Variants in HELLS observed in about 807,000 individuals in gnomAD.
HELLS encodes the protein helicase, lymphoid specific, also known as lymphoid-specific helicase.
Under a neutral mutation model 120.0 loss-of-function variants are expected in HELLS, and 32 were observed. That is an observed-to-expected ratio of 0.27 (90% CI 0.20 to 0.36). The LOEUF (loss-of-function observed/expected upper bound fraction) is 0.36. Ranked by LOEUF, HELLS falls within the 10% of genes least tolerant of loss-of-function variation. The probability of loss-of-function intolerance (pLI) is 1.00; values close to 1 mark genes in which losing one functional copy is unlikely to be tolerated. For synonymous variants in HELLS, 341 were observed against 323.4 expected, an observed-to-expected ratio of 1.05 and a Z score of -0.58; for missense variants, 650 against 993.4, an observed-to-expected ratio of 0.65 and a Z score of 4.65.
chr10:94,581,255 T>C, intron 10 of HELLS, 71 bp from the exon 11 acceptor site: 1 of 927,950 alleles, frequency 1.1e-6, no homozygotes, highest in South Asian at 1.9e-5. Context: ...AGAGGTTTTA[T>C]TTTTAGAATT....
At chr10:94,568,083 T>G (rs993911737) in intron 6 of HELLS, among the ~76,000 whole-genome samples, 9 of 151,948 alleles carry the variant, frequency 5.9e-5, no homozygotes, top group African/African-American at 1.9e-4. Flanking sequence ...CTAATTTTTG[T>G]ATTTTTAGTA....
chr10:94,572,222 G>A (rs540315417), intron 7 of HELLS, among the ~76,000 whole-genome samples: 1 of 152,268 alleles, frequency 6.6e-6, no homozygotes, highest in East Asian at 1.9e-4. Flanking sequence ...AAGTCTAGAT[G>A]TAATCTTCTG....
intron 21 of HELLS, among the ~76,000 whole-genome samples, chr10:94,600,965 A>G (rs1238874627): frequency 1.3e-5 from 2 of 152,198 alleles, no homozygotes; most frequent in Non-Finnish European, 2.9e-5. Context: ...AACGGATAAT[A>G]TAAGAGCAGG....
chr10:94,595,183 G>A (rs923650979), intron 19 of HELLS, among the ~76,000 whole-genome samples: 2 of 151,966 alleles, frequency 1.3e-5, no homozygotes, highest in East Asian at 1.9e-4. Flanking sequence ...AGCCGAGATC[G>A]TGCCACTGCA....
In HELLS at chr10:94,576,651, A is replaced by C. The variant is rs2134062029; in HGVS notation, c.889-11A>C. ...CTTAAGTCTGATAAAAATCAATATAAAATTTTTCAGATCCCTACAATGTTA... is the reference window on the plus strand; with the variant it reads ...CTTAAGTCTGATAAAAATCAATATACAATTTTTCAGATCCCTACAATGTTA... On this transcript the variant is annotated splice_polypyrimidine_tract_variant and intron_variant, in intron 9 of 21. Coordinates refer to ENST00000348459, the MANE Select transcript of HELLS (RefSeq NM_018063.5). 5 of 1,494,916 alleles carry C rather than the reference A, an allele frequency of 3.3e-6. No individual in the cohort carries two copies. The highest frequency in any genetic ancestry group is 4.5e-6 in the Non-Finnish European group (5 of 1,100,378). 92.6% of individuals were successfully genotyped at this position (1,494,916 alleles called of 1,614,324 possible). A position where few individuals can be genotyped will look rare whatever the true frequency, so the allele number is the denominator to read the frequency against.
chr10:94,589,299 T>C (rs747061024), intron 13 of HELLS, among the ~76,000 whole-genome samples: 5 of 152,222 alleles, frequency 3.3e-5, no homozygotes, highest in Non-Finnish European at 7.3e-5. Flanking sequence ...TAGACTAATC[T>C]CCAGATATAC....
chr10:94,553,030 G>A (rs927875130), intron 2 of HELLS, among the ~76,000 whole-genome samples: 1 of 152,076 alleles, frequency 6.6e-6, no homozygotes, highest in Non-Finnish European at 1.5e-5. Flanking sequence ...AATTGTGTTG[G>A]TAGTATTTTT....
chr10:94,581,050 A>G (rs1038978944), intron 10 of HELLS, among the ~76,000 whole-genome samples: 1 of 152,228 alleles, frequency 6.6e-6, no homozygotes, highest in African/African-American at 2.4e-5. Context: ...TGCGTTGACT[A>G]AGGTGTGAAT....
In HELLS at chr10:94,574,682, C is replaced by T. The variant is rs753178999; in HGVS notation, c.834C>T (p.Gly278=). ...RGVPGPFLVC[G]PLSTLPNWMA... is the part of the protein sequence containing the mutation. ...TACCAGGACCTTTTCTTGTCTGTGG[C>T]CCTTTGTCTACACTTCCTAACTGGA... is the stretch of plus-strand genomic sequence containing the variant. Residue 278 remains glycine, a synonymous_variant, in exon 9 of 22, where the codon GGC becomes GGT. Coordinates refer to ENST00000348459, the MANE Select transcript of HELLS (RefSeq NM_018063.5). 14 of 1,613,722 alleles carry T rather than the reference C, an allele frequency of 8.7e-6. No individual in the cohort carries two copies. The East Asian group carries it at 2.7e-4, about 31-fold the overall frequency.
At chr10:94,582,887 G>A (rs1168965713) in intron 11 of HELLS, 76 bp from the exon 12 acceptor site, 1 of 788,656 alleles carries the variant, frequency 1.3e-6, no homozygotes, top group East Asian at 2.7e-5. Context: ...GATTATTACT[G>A]TAAATGATAA....
At chr10:94,564,766 T>C (rs1843709612) in intron 6 of HELLS, among the ~76,000 whole-genome samples, 2 of 152,064 alleles carry the variant, frequency 1.3e-5, no homozygotes, top group South Asian at 4.1e-4. Context: ...GGTACCTATT[T>C]GTATTTTTAG....
chr10:94,583,142 T>C, intron 12 of HELLS, 83 bp downstream of exon 12: 1 of 616,488 alleles, frequency 1.6e-6, no homozygotes, highest in Admixed American at 3.0e-5. Flanking sequence ...TCTAACCCTT[T>C]GTAGTAGAGA....
Position 94,574,628 on chromosome 10 carries a change from T to C in HELLS, c.780T>C (p.Ala260=). ...MGLGKTVQCI[A]TIALMIQRGV... is the part of the protein sequence containing the mutation. Reference sequence around the variant, plus strand: ...TGGGTAAGACAGTTCAGTGCATTGCTACTATTGCATTGATGATTCAGAGAG... The same window carrying C: ...TGGGTAAGACAGTTCAGTGCATTGCCACTATTGCATTGATGATTCAGAGAG... Residue 260 remains alanine (A), a synonymous_variant, in exon 9 of 22, where the codon GCT becomes GCC. Coordinates refer to ENST00000348459, the MANE Select transcript of HELLS (RefSeq NM_018063.5). 1 of 1,613,442 alleles carries C rather than the reference T, an allele frequency of 6.2e-7. No individual in the cohort carries two copies. Among genetic ancestry groups the C allele is most frequent in the Non-Finnish European group, 8.5e-7 (1 of 1,179,374 alleles).
At chr10:94,599,677 T>C (rs139047302) in intron 21 of HELLS, among the ~76,000 whole-genome samples, 93 of 152,308 alleles carry the variant, frequency 6.1e-4, no homozygotes, top group Non-Finnish European at 1.1e-3. Context: ...ATTATCTTCA[T>C]AGGAAGTCCA....
chr10:94,571,467 A>G lies in HELLS; in HGVS notation c.477+38A>G, dbSNP rs74150826. On this transcript the variant is annotated intron_variant, in intron 7 of 21. Coordinates refer to ENST00000348459, the MANE Select transcript of HELLS (RefSeq NM_018063.5). ...TAATGTAAGATTAAGTTTAGAAGTC[A>G]TATTTACTCCTCAGTTACTAGTCCT... The G allele has an allele frequency of 2.4e-3, 3,369 of 1,425,656 alleles. 91 individuals carry two copies. The African/African-American group carries it at 0.043, about 18-fold the overall frequency. The allele number at this position is 1,425,656 out of a possible 1,614,324, so 88.3% of individuals were successfully genotyped here.
chr10:94,599,768 A>G (rs1303053018), intron 21 of HELLS, among the ~76,000 whole-genome samples: 1 of 152,242 alleles, frequency 6.6e-6, no homozygotes, highest in African/African-American at 2.4e-5. Context: ...TTGTTTAATA[A>G]TGAAGGTTTT....
intron 1 of HELLS, 126 bp downstream of exon 1, chr10:94,546,078 G>A: frequency 1.8e-6 from 2 of 1,137,932 alleles, no homozygotes; most frequent in South Asian, 2.8e-5. Context: ...GGAAAGGAGG[G>A]TTGGGAAACT....
rs114328516 is a variant in HELLS, at chr10:94,598,709, T to A, written c.2422+1598T>A. ...CTTAGTATCTTCTGAAGAGCAAAAG[T>A]TTTAAATTTTAATGAATTTCAATTT... On this transcript the variant is annotated intron_variant, in intron 21 of 21. Transcript: ENST00000348459. Among the ~76,000 whole-genome samples, 469 of 152,112 alleles carry A rather than the reference T, an allele frequency of 3.1e-3. 3 individuals carry two copies. Among genetic ancestry groups the A allele is most frequent in the African/African-American group, 0.011 (443 of 41,518 alleles).
chr10:94,547,749 T>C (rs966370769), intron 2 of HELLS, among the ~76,000 whole-genome samples: 2 of 152,194 alleles, frequency 1.3e-5, no homozygotes, highest in African/African-American at 4.8e-5. Flanking sequence ...CTGAGGCACA[T>C]AGAGGTTGTT....
Sources: allele counts gnomAD v4.1 joint callset (sites outside exome capture counted in the v4.1 genomes callset), GRCh38; gene constraint gnomAD v4.1.1; transcripts MANE v1.5; gene names NCBI Gene and HGNC (gene_info 2026-07-23, HGNC 2026-07-21).